Variants in IQCH observed in about 807,000 individuals in gnomAD.
The protein encoded by IQCH is IQ motif containing H, also known as IQ domain-containing protein H.
In IQCH, 98 loss-of-function variants were observed where a neutral mutation model predicts 117.0. The observed-to-expected ratio is 0.84, with a 90% CI of 0.71 to 0.99. The LOEUF is 0.99. IQCH is among the 50% of genes least tolerant of loss of function. The pLI, the probability that IQCH is intolerant of heterozygous loss-of-function variation, is 0.00. For missense variants in IQCH, 1,102 were observed against 1,243.8 expected (o/e 0.89, Z 1.72); for synonymous variants, 412 against 448.2 (o/e 0.92, Z 1.02).
At position 67,340,426 on chromosome 15, in the gene IQCH, C is replaced by CAAAAAAAAAAAA. The variant is rs57244130; in HGVS notation, c.508+3358_508+3369dup. On this transcript the variant is annotated intron_variant, in intron 5 of 20. Coordinates refer to ENST00000335894, the MANE Select transcript of IQCH (RefSeq NM_001031715.3). ...TGGGCAACAGAGAGATACTCCATCT[C>CAAAAAAAAAAAA]AAAAAAAAAAAAAAAAAAAAAAAAA... Among the ~76,000 whole-genome samples the CAAAAAAAAAAAA allele has an allele frequency of 6.9e-4, 43 of 62,654 alleles. 4 individuals are homozygous for CAAAAAAAAAAAA. Among genetic ancestry groups the CAAAAAAAAAAAA allele is most frequent in the Non-Finnish European group, 8.3e-4 (31 of 37,222 alleles). 41.1% of individuals were successfully genotyped at this position (62,654 alleles called of 152,430 possible). A position where few individuals can be genotyped will look rare whatever the true frequency, so the allele number is the denominator to read the frequency against.
rs891631508 is a variant in IQCH, at chr15:67,426,013, C to T, written c.2505+4436C>T. Among the ~76,000 whole-genome samples the T allele has an allele frequency of 1.3e-5, 2 of 152,156 alleles. No homozygotes were observed. Among genetic ancestry groups the T allele is most frequent in the Non-Finnish European group, 1.5e-5 (1 of 68,030 alleles). On this transcript the variant is annotated intron_variant, in intron 16 of 20. Transcript: ENST00000335894. The surrounding 1 kb of genome is among the most constrained non-coding windows in gnomAD (Gnocchi z 5.1). The stretch of plus-strand genomic sequence containing the variant: ...AGACCCTTCAGGGTGTGTCTTGTGT[C>T]CTTTTGACATGTCCTCATCATTCTT...
At chr15:67,367,796 A>C (rs4625676) in intron 8 of IQCH, among the ~76,000 whole-genome samples, 71,447 of 151,916 alleles carry the variant, frequency 0.47, 17,225 homozygotes, top group Non-Finnish European at 0.52. Flanking sequence ...GAAATGGAAG[A>C]GTAGCAAAGA....
chr15:67,280,327 C>A (rs1567060672), intron 4 of IQCH, among the ~76,000 whole-genome samples: 1 of 136,944 alleles, frequency 7.3e-6, no homozygotes, highest in Non-Finnish European at 1.6e-5. Context: ...AGTGTTCTCT[C>A]AATTCTGTTT....
chr15:67,425,276 CCT>C lies in IQCH; in HGVS notation c.2505+3708_2505+3709del, dbSNP rs1029843963. Among the ~76,000 whole-genome samples the C allele has an allele frequency of 6.6e-6, 1 of 152,064 alleles. No individual in the cohort carries two copies. Among genetic ancestry groups the C allele is most frequent in the African/African-American group, 2.4e-5 (1 of 41,388 alleles). ...CTCTCAGATTGTCATTTGTGGCTTTCCTCTCTCTCTTTTTATTTTTGGCCATG... is the reference window on the plus strand; with the variant it reads ...CTCTCAGATTGTCATTTGTGGCTTTCCTCTCTCTTTTTATTTTTGGCCATG... On this transcript the variant is annotated intron_variant, in intron 16 of 20. Transcript: ENST00000335894. This position sits in a 1 kb window ranked among gnomAD's most constrained non-coding sequence, Gnocchi z 5.5.
chr15:67,490,056 G>A lies in IQCH; in HGVS notation c.2853G>A (p.Leu951=). ...ATGAGCACCTGAAGAGACACAAGTT[G>A]GGAATGTTGTGAGTATGAAGTGTAT... ...ILYEHLKRHK[L]GMLTIGEDLQ... Residue 951 remains leucine (L), a synonymous_variant, in exon 19 of 21, where the codon TTG becomes TTA. Coordinates refer to ENST00000335894, the MANE Select transcript of IQCH (RefSeq NM_001031715.3). This position sits in a 1 kb window ranked among gnomAD's most constrained non-coding sequence, Gnocchi z 4.9. 1 of 1,610,040 alleles carries A rather than the reference G, an allele frequency of 6.2e-7. No homozygotes were observed. The highest frequency in any genetic ancestry group is 8.5e-7 in the Non-Finnish European group (1 of 1,176,800).
At chr15:67,312,353 G>C (rs1247734264) in intron 4 of IQCH, among the ~76,000 whole-genome samples, 1 of 152,006 alleles carries the variant, frequency 6.6e-6, no homozygotes, top group Admixed American at 6.6e-5. Flanking sequence ...TCTGAGAAGG[G>C]GTCTGTAGGC....
rs1355125912 is a variant in IQCH, at chr15:67,342,722, G to T, written c.509-1341G>T. Among the ~76,000 whole-genome samples, 1 of 152,010 alleles carries T rather than the reference G, an allele frequency of 6.6e-6. No individual in the cohort carries two copies. Among genetic ancestry groups the T allele is most frequent in the Admixed American group, 6.6e-5 (1 of 15,264 alleles). On this transcript the variant is annotated intron_variant, in intron 5 of 20. Coordinates refer to ENST00000335894, the MANE Select transcript of IQCH (RefSeq NM_001031715.3). The surrounding 1 kb of genome is among the most constrained non-coding windows in gnomAD (Gnocchi z 4.7). ...AACCTGAAGTACTAATTTCAAAAAGGTCCTAAAGTGTTATACTCTGGATCA... is the reference window on the plus strand; with the variant it reads ...AACCTGAAGTACTAATTTCAAAAAGTTCCTAAAGTGTTATACTCTGGATCA...
chr15:67,254,987 G>A (rs749156875), intron 1 of IQCH, 40 bp downstream of exon 1: 25 of 1,593,300 alleles, frequency 1.6e-5, no homozygotes, highest in Non-Finnish European at 2.1e-5. Flanking sequence ...CTGCCCAGCC[G>A]CGCCACTTCC....
chr15:67,441,298 A>ATT (rs1441458962), intron 16 of IQCH, among the ~76,000 whole-genome samples: 2 of 152,170 alleles, frequency 1.3e-5, no homozygotes, highest in African/African-American at 4.8e-5. Flanking sequence ...TATTGTGAAA[A>ATT]TGACCATACT....
intron 18 of IQCH, among the ~76,000 whole-genome samples, chr15:67,477,249 C>G (rs1052053976): frequency 6.6e-6 from 1 of 151,948 alleles, no homozygotes; most frequent in Non-Finnish European, 1.5e-5. Flanking sequence ...CAGGGTTTCA[C>G]CATGTTGGCC....
chr15:67,296,945 C>T (rs1966855768), intron 4 of IQCH, among the ~76,000 whole-genome samples: 1 of 152,204 alleles, frequency 6.6e-6, no homozygotes. Flanking sequence ...TAAATGTTAG[C>T]TCTCTCCCCT....
intron 19 of IQCH, among the ~76,000 whole-genome samples, chr15:67,492,263 T>A (rs1017703571): frequency 2.6e-5 from 4 of 152,134 alleles, no homozygotes; most frequent in African/African-American, 9.7e-5. Flanking sequence ...GTTAGTTAGG[T>A]ACAAAGAACT....
intron 20 of IQCH, among the ~76,000 whole-genome samples, chr15:67,498,876 T>C (rs535988765): frequency 2.2e-4 from 34 of 152,210 alleles, no homozygotes; most frequent in African/African-American, 8.2e-4. Context: ...TATTTGCAAA[T>C]CATATATCTG....
In IQCH at chr15:67,372,272, C is replaced by T. The variant is rs34738407; in HGVS notation, c.915C>T (p.Val305=). The T allele has an allele frequency of 3.8e-4, 620 of 1,613,954 alleles. 1 individual carries two copies. In the African/African-American group the frequency reaches 7.2e-3, roughly 19 times the overall value. The change falls in exon 9 of 21, where the codon GTC becomes GTT. Residue 305 remains valine, a synonymous_variant. Coordinates refer to ENST00000335894, the MANE Select transcript of IQCH (RefSeq NM_001031715.3). The part of the protein sequence containing the change: ...WGGIFSLLEH[V]EKFLRNYAIP... The stretch of plus-strand genomic sequence containing the variant: ...GTATTTTTTCTCTCTTGGAACACGT[C>T]GAGAAGTTTCTCAGGAACTATGCTA...
chr15:67,301,856 T>C (rs529593815), intron 4 of IQCH, among the ~76,000 whole-genome samples: 2 of 152,302 alleles, frequency 1.3e-5, no homozygotes, highest in African/African-American at 4.8e-5. Flanking sequence ...ATTTTAAAAT[T>C]ATCTTTTAAC....
In IQCH at chr15:67,408,890, T is replaced by C. The variant is rs1220158191; in HGVS notation, c.2098-8041T>C. Reference sequence around the variant, plus strand: ...CCACATGGTTTCTGCTTTAAAATATTGCATGATCTTAGAACAGTCATATGT... The same window carrying C: ...CCACATGGTTTCTGCTTTAAAATATCGCATGATCTTAGAACAGTCATATGT... On this transcript the variant is annotated intron_variant, in intron 14 of 20. Transcript: ENST00000335894. The surrounding 1 kb of genome is among the most constrained non-coding windows in gnomAD (Gnocchi z 4.2). 2.0e-5 allele frequency among the ~76,000 whole-genome samples: 3 copies of C among 152,232 alleles called. No individual in the cohort carries two copies. Among genetic ancestry groups the C allele is most frequent in the Non-Finnish European group, 2.9e-5 (2 of 68,042 alleles).
intron 4 of IQCH, among the ~76,000 whole-genome samples, chr15:67,320,160 T>C (rs1479758460): frequency 2.0e-5 from 3 of 152,130 alleles, no homozygotes; most frequent in Non-Finnish European, 2.9e-5. Flanking sequence ...CCAAATTAAA[T>C]AAAAAGAGCC....
rs1407219289 is a variant in IQCH at position 67,395,649 on chromosome 15, G to A, written c.1905+86G>A. On this transcript the variant is annotated intron_variant, in intron 13 of 20. Transcript: ENST00000335894. The surrounding 1 kb of genome is among the most constrained non-coding windows in gnomAD (Gnocchi z 4.0). ...ACAATTTCCAAGTCTTCTGGAGCCA[G>A]ACCTACCCAATGAAGAATAGGTGGA... 1 of 1,220,524 alleles carries A rather than the reference G, an allele frequency of 8.2e-7. No individual in the cohort carries two copies. Among genetic ancestry groups the A allele is most frequent in the Non-Finnish European group, 1.2e-6 (1 of 858,922 alleles). The allele number at this position is 1,220,524 out of a possible 1,614,324, so 75.6% of individuals were successfully genotyped here.
intron 5 of IQCH, among the ~76,000 whole-genome samples, chr15:67,341,273 C>T (rs1234169750): frequency 6.6e-6 from 1 of 152,076 alleles, no homozygotes; most frequent in Non-Finnish European, 1.5e-5. Context: ...AAAAGCTTAC[C>T]AGTCCAGATA....
Sources: allele counts gnomAD v4.1 joint callset (sites outside exome capture counted in the v4.1 genomes callset), GRCh38; gene constraint gnomAD v4.1.1; non-coding constraint Gnocchi (gnomAD v3.1); transcripts MANE v1.5; gene names NCBI Gene and HGNC (gene_info 2026-07-23, HGNC 2026-07-21).